FOXN3: variants seen among roughly 807,000 people sequenced by gnomAD.
The protein encoded by FOXN3 is forkhead box protein N3.
FOXN3 carries 7 observed loss-of-function variants against 38.4 expected under a neutral mutation model. The ratio of observed to expected loss-of-function variants is 0.18; its 90% CI spans 0.10 to 0.34. The LOEUF is 0.34. FOXN3 is among the 10% of genes least tolerant of loss of function. The pLI, the probability that FOXN3 is intolerant of heterozygous loss-of-function variation, is 1.00. For synonymous variants in FOXN3, 230 were observed against 242.2 expected (o/e 0.95, Z 0.47); for missense variants, 456 against 613.4 (o/e 0.74, Z 2.71).
intron 3 of FOXN3, among the ~76,000 whole-genome samples, chr14:89,294,727 A>G (rs1479271123): frequency 2.6e-5 from 4 of 152,200 alleles, no homozygotes; most frequent in African/African-American, 9.6e-5. Flanking sequence ...ATGCCATGCC[A>G]ACATCAGGAA....
chr14:89,167,075 A>T (rs1450046921), intron 5 of FOXN3, among the ~76,000 whole-genome samples: 2 of 152,246 alleles, frequency 1.3e-5, no homozygotes, highest in Non-Finnish European at 2.9e-5. Flanking sequence ...CATAAATCAG[A>T]GCCACCTGAT....
chr14:89,518,301 T>C, intron 1 of FOXN3, among the ~76,000 whole-genome samples: 1 of 152,244 alleles, frequency 6.6e-6, no homozygotes, highest in East Asian at 1.9e-4. Flanking sequence ...GTGCTTCTGC[T>C]ACTTTGCGGT....
chr14:89,180,822 G>C lies in FOXN3; in HGVS notation c.746-16C>G. ...CCTGGAGGAACTGAAAAAGCAAAGG[G>C]GAGAAAGACACCGCACGTGAATTCA... On this transcript the variant is annotated splice_polypyrimidine_tract_variant and intron_variant, in intron 4 of 5. Coordinates refer to ENST00000557258, the MANE Select transcript of FOXN3 (RefSeq NM_005197.4). 2 of 1,589,632 alleles carry C rather than the reference G, an allele frequency of 1.3e-6. No homozygotes were observed. The highest frequency in any genetic ancestry group is 1.7e-6 in the Non-Finnish European group (2 of 1,163,272).
chr14:89,618,880 T>A (rs1189167753), intron 1 of FOXN3: 2 of 152,100 alleles, frequency 1.3e-5, no homozygotes, highest in East Asian at 1.9e-4. Context: ...TAAATCAATC[T>A]GAAACCAGGT....
chr14:89,281,046 A>G, intron 3 of FOXN3, 32 bp from the exon 4 acceptor site: 1 of 1,594,768 alleles, frequency 6.3e-7, no homozygotes, highest in Non-Finnish European at 8.6e-7. Flanking sequence ...CATAAGGCCA[A>G]GTTCATCTGC....
At chr14:89,203,569 G>C (rs1227423992) in intron 4 of FOXN3, among the ~76,000 whole-genome samples, 1 of 152,210 alleles carries the variant, frequency 6.6e-6, no homozygotes, top group Non-Finnish European at 1.5e-5. Context: ...TCCTGACCAG[G>C]CTGCCCCACT....
intron 1 of FOXN3, among the ~76,000 whole-genome samples, chr14:89,467,525 AT>A (rs1035250525): frequency 1.3e-5 from 2 of 151,658 alleles, no homozygotes; most frequent in Admixed American, 6.6e-5. Context: ...CCAAATGTAA[AT>A]TTTTTTTAAG....
chr14:89,516,534 G>C (rs1894206954), intron 1 of FOXN3, among the ~76,000 whole-genome samples: 1 of 151,064 alleles, frequency 6.6e-6, no homozygotes. Flanking sequence ...TTCCGTGCTA[G>C]GCACCGTGTT....
intron 4 of FOXN3, among the ~76,000 whole-genome samples, chr14:89,217,836 C>T (rs1189435635): frequency 2.6e-5 from 4 of 152,222 alleles, no homozygotes; most frequent in African/African-American, 9.6e-5. Flanking sequence ...TGTGGGAGCC[C>T]TCCCCAATGC....
chr14:89,516,559 G>GT lies in FOXN3; in HGVS notation c.-15+102468dup, dbSNP rs546187742. Among the ~76,000 whole-genome samples, 464 of 129,622 alleles carry GT rather than the reference G, an allele frequency of 3.6e-3. 9 individuals are homozygous for GT. Among genetic ancestry groups the GT allele is most frequent in the African/African-American group, 9.8e-3 (345 of 35,344 alleles). 85.0% of individuals were successfully genotyped at this position (129,622 alleles called of 152,430 possible). ...GGCACCGTGTTTCAGGCTGCCAGTA[G>GT]TTTTTTTTTTTTTTTTTTTTGAGAC... On this transcript the variant is annotated intron_variant, in intron 1 of 6. Transcript: ENST00000345097.
intron 4 of FOXN3, among the ~76,000 whole-genome samples, chr14:89,206,759 T>C (rs962270539): frequency 3.3e-5 from 5 of 152,206 alleles, no homozygotes; most frequent in African/African-American, 1.2e-4. Flanking sequence ...CCACCGTAAC[T>C]GCCATCATGC....
chr14:89,202,419 T>C (rs2139820642), intron 4 of FOXN3, among the ~76,000 whole-genome samples: 1 of 152,306 alleles, frequency 6.6e-6, no homozygotes, highest in East Asian at 1.9e-4. Flanking sequence ...GGCAATCTCT[T>C]TGTTACAAAA....
At chr14:89,346,014 C>T (rs1888749413) in intron 3 of FOXN3, among the ~76,000 whole-genome samples, 1 of 152,220 alleles carries the variant, frequency 6.6e-6, no homozygotes, top group Admixed American at 6.5e-5. Context: ...GATCGCGGCA[C>T]TGCACTCCAG....
intron 5 of FOXN3, among the ~76,000 whole-genome samples, chr14:89,168,619 G>C (rs1277409101): frequency 6.6e-6 from 1 of 152,182 alleles, no homozygotes; most frequent in Non-Finnish European, 1.5e-5. Flanking sequence ...GGTTGGATGA[G>C]ACGGAACACA....
Position 89,384,652 on chromosome 14 carries a change from A to T in FOXN3, c.543+27282T>A, listed in dbSNP as rs141131630. Among the ~76,000 whole-genome samples, 290 of 152,278 alleles carry T rather than the reference A, an allele frequency of 1.9e-3. 2 individuals carry two copies. The highest frequency in any genetic ancestry group is 6.7e-3 in the African/African-American group (280 of 41,568). On this transcript the variant is annotated intron_variant, in intron 2 of 5. Transcript: ENST00000557258. ...TAGGAATACCTCATCTAGTTGTAAA[A>T]ATATATATATAAAGCAATACAGAGA... is the stretch of plus-strand genomic sequence containing the variant.
intron 1 of FOXN3, among the ~76,000 whole-genome samples, chr14:89,520,295 C>A (rs148945440): frequency 6.6e-6 from 1 of 152,104 alleles, no homozygotes; most frequent in East Asian, 1.9e-4. Context: ...CAAGTTGGCG[C>A]GATCACAGCT....
intron 1 of FOXN3, among the ~76,000 whole-genome samples, chr14:89,415,886 T>C (rs200741329): frequency 0.073 from 7,563 of 103,628 alleles, 234 homozygotes; most frequent in Non-Finnish European, 0.096. Flanking sequence ...ACACACACCC[T>C]CTTTTGTTTT....
intron 1 of FOXN3, among the ~76,000 whole-genome samples, chr14:89,613,058 A>T (rs1896423635): frequency 7.2e-6 from 1 of 139,656 alleles, no homozygotes; most frequent in Non-Finnish European, 1.5e-5. Flanking sequence ...CGGAGGTTGC[A>T]GTCAGCCGAG....
At chr14:89,177,416 A>C (rs1399632603) in intron 5 of FOXN3, among the ~76,000 whole-genome samples, 1 of 152,218 alleles carries the variant, frequency 6.6e-6, no homozygotes, top group Non-Finnish European at 1.5e-5. Flanking sequence ...TATGATGCTC[A>C]GGAAAGTCAC....
Sources: allele counts gnomAD v4.1 joint callset (sites outside exome capture counted in the v4.1 genomes callset), GRCh38; gene constraint gnomAD v4.1.1; transcripts MANE v1.5; gene names NCBI Gene and HGNC (gene_info 2026-07-23, HGNC 2026-07-21).